The following CREB3L1 variants were observed in gnomAD, a reference collection of about 807,000 sequenced individuals.
CREB3L1 encodes the protein cAMP responsive element binding protein 3 like 1, also known as cyclic AMP-responsive element-binding protein 3-like protein 1.
CREB3L1 carries 33 observed loss-of-function variants against 54.5 expected under a neutral mutation model. The ratio of observed to expected loss-of-function variants is 0.61; its 90% confidence interval spans 0.46 to 0.81. The LOEUF is 0.81. Ranked by LOEUF, CREB3L1 falls within the 30% of genes least tolerant of loss-of-function variation. CREB3L1 has a pLI of 0.00. For missense variants in CREB3L1, 656 were observed against 673.3 expected (o/e 0.97, Z 0.29); for synonymous variants, 284 against 286.4 (o/e 0.99, Z 0.08).
chr11:46,310,554 C>T (rs2136353817), intron 4 of CREB3L1, among the ~76,000 whole-genome samples: 1 of 152,096 alleles, frequency 6.6e-6, no homozygotes, highest in South Asian at 2.1e-4. Flanking sequence ...AGGGGTGAGC[C>T]ACTGCACCCA....
rs937147443 is a variant in CREB3L1, at chr11:46,320,967, T to C, written c.*221T>C. On this transcript the variant is annotated 3_prime_UTR_variant, in exon 12 of 12. Coordinates refer to ENST00000621158, the MANE Select transcript of CREB3L1 (RefSeq NM_052854.4). ...CTTCCCACCAACATCCATCCGTCCT[T>C]CTCAGACAAACCACTCACTGGGTAC... is the stretch of plus-strand genomic sequence containing the variant. 1.5e-5 allele frequency: 10 copies of C among 678,564 alleles called. No homozygotes were observed. The Admixed American group carries it at 2.1e-4, about 14-fold the overall frequency. The allele number at this position is 678,564 out of a possible 1,614,324, so 42.0% of individuals were successfully genotyped here. A position where few individuals can be genotyped will look rare whatever the true frequency, so the allele number is the denominator to read the frequency against.
At chr11:46,309,309 C>T (rs969054285) in intron 3 of CREB3L1, among the ~76,000 whole-genome samples, 5 of 152,338 alleles carry the variant, frequency 3.3e-5, no homozygotes, top group African/African-American at 4.8e-5. Context: ...CCCCCAACAA[C>T]GCCTTCCTCA....
chr11:46,298,883 A>G (rs192337133), intron 1 of CREB3L1, among the ~76,000 whole-genome samples: 6 of 152,284 alleles, frequency 3.9e-5, no homozygotes, highest in African/African-American at 1.4e-4. Context: ...ACGTGGATTA[A>G]CTTGTTTAAT....
At position 46,307,851 on chromosome 11, in the gene CREB3L1, C is replaced by G. The variant is rs1939422332; in HGVS notation, c.367C>G (p.Leu123Val). Residue 123 changes from leucine (L) to valine (V), a missense_variant, in exon 3 of 12, where the codon CTG becomes GTG. This residue lies in a region of CREB3L1 where 339 missense variants were observed against 331.5 expected (regional missense o/e 1.02). Coordinates refer to ENST00000621158, the MANE Select transcript of CREB3L1 (RefSeq NM_052854.4). The part of the protein sequence containing the change: ...EHGAWALGHK[L>V]CSIMVKQEQS... ...TGGAGCATGGGCGCTGGGACACAAACTGTGCTCCATCATGGTGAAGCAGGA... is the reference window on the plus strand; with the variant it reads ...TGGAGCATGGGCGCTGGGACACAAAGTGTGCTCCATCATGGTGAAGCAGGA... The G allele has an allele frequency of 3.8e-6, 6 of 1,582,970 alleles. No individual in the cohort carries two copies. Among genetic ancestry groups the G allele is most frequent in the Non-Finnish European group, 5.2e-6 (6 of 1,164,664 alleles).
intron 1 of CREB3L1, among the ~76,000 whole-genome samples, chr11:46,284,760 T>TC (rs1234098205): frequency 6.6e-6 from 1 of 151,156 alleles, no homozygotes; most frequent in Non-Finnish European, 1.5e-5. Flanking sequence ...AGGGCAGGAG[T>TC]CCTATGGAGA....
At position 46,278,287 on chromosome 11, in the gene CREB3L1, G is replaced by A. The variant is rs533356018; in HGVS notation, c.102+74G>A. ...CGCGGCGCGCCTGGGCCCCTAGAAG[G>A]ACCCGACTACACATCACTGGGCAGG... On this transcript the variant is annotated intron_variant, in intron 1 of 11. Transcript: ENST00000621158. This position sits in a 1 kb window ranked among gnomAD's most constrained non-coding sequence, Gnocchi z 4.2. 21 of 925,176 alleles carry A rather than the reference G, an allele frequency of 2.3e-5. No homozygotes were observed. Among genetic ancestry groups the A allele is most frequent in the Non-Finnish European group, 3.3e-5 (20 of 606,702 alleles). 57.3% of individuals were successfully genotyped at this position (925,176 alleles called of 1,614,324 possible).
chr11:46,320,303 G>A lies in CREB3L1; in HGVS notation c.1298G>A (p.Gly433Asp), dbSNP rs1482201599. ...CTCCTATTCTACGATGACGGGGCAG[G>A]CTTATGGGAAGATGGCCGCAGCACC... The part of the protein sequence containing the change: ...RSLLFYDDGA[G>D]LWEDGRSTLL... The change falls in exon 11 of 12, where the codon GGC becomes GAC. Residue 433 changes from glycine to aspartate, a missense_variant. Gly to Asp is a moderately conservative substitution (Grantham distance 94). Around this residue, in one of 3 missense-constraint regions of CREB3L1, gnomAD observed 240 missense variants for 219.8 expected, o/e 1.09. Transcript: ENST00000621158. The A allele has an allele frequency of 1.2e-6, 2 of 1,612,912 alleles. No homozygotes were observed. Among genetic ancestry groups the A allele is most frequent in the Non-Finnish European group, 1.7e-6 (2 of 1,179,454 alleles).
chr11:46,287,182 G>C (rs1021682230), intron 1 of CREB3L1, among the ~76,000 whole-genome samples: 8 of 152,156 alleles, frequency 5.3e-5, no homozygotes, highest in Non-Finnish European at 1.5e-5. Flanking sequence ...CCAAAAGTAG[G>C]GTTCATGGTA....
At chr11:46,316,701 G>A (rs1442890949) in intron 9 of CREB3L1, among the ~76,000 whole-genome samples, 1 of 152,214 alleles carries the variant, frequency 6.6e-6, no homozygotes, top group Non-Finnish European at 1.5e-5. Flanking sequence ...TGCAGGGAAG[G>A]GCTTGGGGAG....
intron 7 of CREB3L1, 22 bp downstream of exon 7, chr11:46,312,692 G>A: frequency 6.3e-7 from 1 of 1,599,070 alleles, no homozygotes; most frequent in Non-Finnish European, 8.5e-7. Flanking sequence ...GGGAGGGGTG[G>A]GCAATCCACT....
chr11:46,307,309 C>G (rs769360414), intron 2 of CREB3L1, among the ~76,000 whole-genome samples: 4 of 152,144 alleles, frequency 2.6e-5, no homozygotes, highest in Non-Finnish European at 5.9e-5. Context: ...AGGCTGGTCA[C>G]GAACTCCTGG....
At chr11:46,283,668 C>G (rs753948158) in intron 1 of CREB3L1, among the ~76,000 whole-genome samples, 16 of 151,814 alleles carry the variant, frequency 1.1e-4, no homozygotes, top group Non-Finnish European at 2.2e-4. Flanking sequence ...TCACTTGAGG[C>G]CAAGAGTTTG....
In CREB3L1 at chr11:46,310,167, C is replaced by T. The variant is rs1022420596; in HGVS notation, c.595+100C>T. On this transcript the variant is annotated intron_variant, in intron 4 of 11. Coordinates refer to ENST00000621158, the MANE Select transcript of CREB3L1 (RefSeq NM_052854.4). Reference sequence around the variant, plus strand: ...CCCATCCCTATCTCTTGACAACCTTCCCCCACCCAGAATATCCTCTCCACC... The same window carrying T: ...CCCATCCCTATCTCTTGACAACCTTTCCCCACCCAGAATATCCTCTCCACC... The T allele has an allele frequency of 4.7e-6, 4 of 844,576 alleles. No homozygotes were observed. The African/African-American group carries it at 6.7e-5, about 14-fold the overall frequency. 52.3% of individuals were successfully genotyped at this position (844,576 alleles called of 1,614,324 possible).
intron 9 of CREB3L1, among the ~76,000 whole-genome samples, chr11:46,316,801 C>A (rs577463935): frequency 6.6e-6 from 1 of 152,184 alleles, no homozygotes; most frequent in East Asian, 1.9e-4. Context: ...GCTCCCAGGG[C>A]GTGTTTCAGA....
intron 2 of CREB3L1, among the ~76,000 whole-genome samples, chr11:46,307,013 G>T (rs558689069): frequency 1.3e-5 from 2 of 152,026 alleles, no homozygotes; most frequent in Admixed American, 6.6e-5. Context: ...GAGCAGCTGG[G>T]ACTAACAGGC....
At chr11:46,320,229 T>A (rs760012831) in intron 10 of CREB3L1, 35 bp from the exon 11 acceptor site, 1 of 1,545,076 alleles carries the variant, frequency 6.5e-7, no homozygotes, top group Non-Finnish European at 8.7e-7. Context: ...TGAGGGAATC[T>A]TGGGCACACC....
chr11:46,310,107 C>T (rs2136353423), intron 4 of CREB3L1, 40 bp downstream of exon 4: 2 of 1,437,096 alleles, frequency 1.4e-6, no homozygotes, highest in Non-Finnish European at 1.9e-6. Context: ...CCCCTCCAGT[C>T]ATAGGCAGAT....
At chr11:46,289,430 G>A (rs776291558) in intron 1 of CREB3L1, among the ~76,000 whole-genome samples, 15 of 152,172 alleles carry the variant, frequency 9.9e-5, no homozygotes, top group African/African-American at 1.7e-4. Flanking sequence ...GAAGGGTAAC[G>A]TTTAGAAGGA....
intron 1 of CREB3L1, among the ~76,000 whole-genome samples, chr11:46,279,013 G>A (rs564335001): frequency 6.6e-6 from 1 of 152,264 alleles, no homozygotes; most frequent in East Asian, 1.9e-4. Flanking sequence ...CTCAGGCTCA[G>A]CCCTAAGGCC....
Sources: gnomAD v4.1 joint callset for allele counts (sites outside exome capture counted in the v4.1 genomes callset) on GRCh38, gnomAD v4.1.1 for gene constraint, gnomAD v4.1.1 regional missense constraint, Gnocchi (gnomAD v3.1) non-coding constraint, MANE v1.5 for transcripts, NCBI Gene and HGNC (gene_info 2026-07-23, HGNC 2026-07-21) for gene names.